Variants in OBI1 observed in about 807,000 individuals in gnomAD.
OBI1 encodes ring finger protein 219.
Under a neutral mutation model 62.4 loss-of-function variants are expected in OBI1, and 59 were observed. The ratio of observed to expected loss-of-function variants is 0.95; its 90% CI spans 0.77 to 1.17. The LOEUF (loss-of-function observed/expected upper bound fraction) is 1.17. Ranked by LOEUF, OBI1 falls within the 50% of genes most tolerant of loss-of-function variation. The pLI is 0.00. For synonymous variants in OBI1, 302 were observed against 292.8 expected (o/e 1.03, Z -0.32); for missense variants, 875 against 830.9 (o/e 1.05, Z -0.65).
In OBI1 at chr13:78,616,133, G is replaced by A. The variant is rs1187444185; in HGVS notation, c.1628C>T (p.Ser543Leu). ...AYLDKISELD[S>L]MMSESDNSKS... is the part of the protein sequence containing the mutation. ...GCTGTTGTCTGACTCTGACATCATT[G>A]AATCCAACTCAGAGATTTTGTCAAG... Residue 543 changes from serine to leucine, a missense_variant, in exon 6 of 6, where the codon TCA (serine) becomes TTA (leucine). Transcript: ENST00000282003. 6.2e-7 allele frequency: 1 copy of A among 1,613,970 alleles called. No individual in the cohort carries two copies. Among genetic ancestry groups the A allele is most frequent in the East Asian group, 2.2e-5 (1 of 44,882 alleles).
At chr13:78,645,094 AGAGTAG>A in intron 1 of OBI1, 97 bp from the exon 2 acceptor site, 1 of 1,204,694 alleles carries the variant, frequency 8.3e-7, no homozygotes, top group South Asian at 1.5e-5. Context: ...AGATTATAGC[AGAGTAG>A]GAGTTTAAGA....
Position 78,621,832 on chromosome 13 carries a change from G to A in OBI1, c.639-4710C>T, listed in dbSNP as rs540132402. On this transcript the variant is annotated intron_variant, in intron 5 of 5. Transcript: ENST00000282003. ...GTGGAGCTCTTTCACGATATTGAGA[G>A]CAAACGATAAAATGCTGGAAGTTGA... Among the ~76,000 whole-genome samples the A allele has an allele frequency of 4.7e-4, 71 of 152,282 alleles. 1 individual carries two copies. The highest frequency in any genetic ancestry group is 1.7e-3 in the African/African-American group (69 of 41,556).
intron 5 of OBI1, among the ~76,000 whole-genome samples, chr13:78,619,875 A>T (rs1474133832): frequency 6.6e-6 from 1 of 152,226 alleles, no homozygotes; most frequent in Non-Finnish European, 1.5e-5. Context: ...TTGACACCAC[A>T]GGATAAGCTA....
intron 5 of OBI1, among the ~76,000 whole-genome samples, chr13:78,633,191 A>T (rs892068752): frequency 6.6e-6 from 1 of 152,202 alleles, no homozygotes; most frequent in Non-Finnish European, 1.5e-5. Context: ...AGGCATAGAG[A>T]TTCAAACCAC....
intron 3 of OBI1, among the ~76,000 whole-genome samples, chr13:78,639,712 A>G (rs1317504303): frequency 6.0e-5 from 9 of 149,482 alleles, no homozygotes; most frequent in South Asian, 2.1e-4. Flanking sequence ...TGAAATTGGA[A>G]ATCAACATTC....
chr13:78,622,755 C>T (rs1356705187), intron 5 of OBI1, among the ~76,000 whole-genome samples: 2 of 152,040 alleles, frequency 1.3e-5, no homozygotes, highest in Admixed American at 1.3e-4. Context: ...AACAGGAGCT[C>T]TATAGAAATC....
intron 1 of OBI1, among the ~76,000 whole-genome samples, chr13:78,657,013 G>C (rs1876732704): frequency 6.6e-6 from 1 of 151,780 alleles, no homozygotes; most frequent in South Asian, 2.1e-4. Flanking sequence ...TCAAACTCCT[G>C]ACCTCAGGCG....
chr13:78,644,911 T>C lies in OBI1; in HGVS notation c.159A>G (p.Pro53=). The C allele has an allele frequency of 6.2e-7, 1 of 1,614,128 alleles. No individual in the cohort carries two copies. Among genetic ancestry groups the C allele is most frequent in the Non-Finnish European group, 8.5e-7 (1 of 1,179,982 alleles). The part of the protein sequence containing the change: ...DLWLKNNSQC[P]ACRVPITPEN... ...CAGGAGTGATGGGGACTCTGCAAGC[T>C]GGACACTGGCTATTATTCTTCAACC... Residue 53 remains proline, a synonymous_variant, in exon 2 of 6, where the codon CCA becomes CCG. Coordinates refer to ENST00000282003, the MANE Select transcript of OBI1 (RefSeq NM_024546.4).
intron 5 of OBI1, among the ~76,000 whole-genome samples, chr13:78,630,347 A>G (rs1875807499): frequency 6.6e-6 from 1 of 152,176 alleles, no homozygotes; most frequent in Non-Finnish European, 1.5e-5. Context: ...CATAACACAT[A>G]TTCAACAATT....
intron 1 of OBI1, among the ~76,000 whole-genome samples, chr13:78,656,527 A>G (rs1767539731): frequency 6.6e-6 from 1 of 151,886 alleles, no homozygotes; most frequent in Non-Finnish European, 1.5e-5. Flanking sequence ...GGTTGCGGTG[A>G]GCCGAGATCG....
chr13:78,641,237 C>T (rs1037934519), intron 3 of OBI1, among the ~76,000 whole-genome samples: 6 of 152,248 alleles, frequency 3.9e-5, no homozygotes, highest in African/African-American at 1.4e-4. Flanking sequence ...AAATGTCACA[C>T]AGATAGTACT....
At chr13:78,658,371 T>C (rs1299485835) in intron 1 of OBI1, among the ~76,000 whole-genome samples, 1 of 152,228 alleles carries the variant, frequency 6.6e-6, no homozygotes, top group Non-Finnish European at 1.5e-5. Context: ...CCACTTTCCC[T>C]ACCTTGTTTC....
rs375765248 is a variant in OBI1, at chr13:78,638,996, T to A, written c.376A>T (p.Thr126Ser). 2 of 1,613,844 alleles carry A rather than the reference T, an allele frequency of 1.2e-6. No individual in the cohort carries two copies. Among genetic ancestry groups the A allele is most frequent in the African/African-American group, 2.7e-5 (2 of 74,924 alleles). ...ACCAAGGTTAAAGGATCCAGAATAG[T>A]TTTGATCTGTGACTCCAAGCTGAGA... ...KNLSLESQIKTILDPLTLVQG... is the reference protein window; with the variant it reads ...KNLSLESQIKSILDPLTLVQG... The change falls in exon 4 of 6, where the codon ACT becomes TCT. Residue 126 changes from threonine to serine, a missense_variant. Transcript: ENST00000282003.
intron 5 of OBI1, among the ~76,000 whole-genome samples, chr13:78,629,473 T>C (rs1320167370): frequency 1.3e-5 from 2 of 151,754 alleles, no homozygotes; most frequent in African/African-American, 2.4e-5. Flanking sequence ...CTGCCTCAAG[T>C]GGCTAGAGAA....
chr13:78,641,853 A>G (rs959207557), intron 3 of OBI1, among the ~76,000 whole-genome samples: 3 of 151,942 alleles, frequency 2.0e-5, no homozygotes, highest in African/African-American at 4.8e-5. Flanking sequence ...AAAAAAAGAA[A>G]GAAATGCTTC....
chr13:78,647,335 T>C (rs2137463631), intron 1 of OBI1, among the ~76,000 whole-genome samples: 1 of 152,352 alleles, frequency 6.6e-6, no homozygotes, highest in South Asian at 2.1e-4. Flanking sequence ...AACCCTACTG[T>C]ACATTTGTTC....
intron 5 of OBI1, among the ~76,000 whole-genome samples, chr13:78,621,886 A>T (rs1365098843): frequency 6.6e-6 from 1 of 152,218 alleles, no homozygotes; most frequent in East Asian, 1.9e-4. Flanking sequence ...AAAATTCATC[A>T]AGGTATCAGA....
chr13:78,645,169 T>C (rs1033792788), intron 1 of OBI1, among the ~76,000 whole-genome samples, 172 bp from the exon 2 acceptor site: 3 of 103,996 alleles, frequency 2.9e-5, no homozygotes, highest in Non-Finnish European at 7.5e-5. Flanking sequence ...TTTTTACACA[T>C]GTTTAACAGA....
At chr13:78,642,064 G>C in intron 3 of OBI1, 58 bp downstream of exon 3, 2 of 918,424 alleles carry the variant, frequency 2.2e-6, no homozygotes, top group Non-Finnish European at 3.5e-6. Flanking sequence ...ACTGAGGTAG[G>C]TCAGTTTTTA....
Sources: gnomAD v4.1 joint callset for allele counts (sites outside exome capture counted in the v4.1 genomes callset) on GRCh38, gnomAD v4.1.1 for gene constraint, MANE v1.5 for transcripts, NCBI Gene and HGNC (gene_info 2026-07-23, HGNC 2026-07-21) for gene names.